The following ASXL1 variants were observed in gnomAD, a reference collection of about 807,000 sequenced individuals.
ASXL1 encodes the protein polycomb group protein ASXL1.
In ASXL1, 65 loss-of-function variants were observed where a neutral mutation model predicts 89.1. The ratio of observed to expected loss-of-function variants is 0.73; its 90% CI spans 0.60 to 0.90. The LOEUF (loss-of-function observed/expected upper bound fraction) is 0.90, where lower values mean the gene tolerates loss of function less well. Among genes scored for constraint, ASXL1 ranks in the 40% least tolerant of loss-of-function variants. The pLI, the probability that ASXL1 is intolerant of heterozygous loss-of-function variation, is 0.00. For missense variants in ASXL1, 1,786 were observed against 1,942.9 expected, an observed-to-expected ratio of 0.92 and a Z score of 1.52; for synonymous variants, 739 against 746.9, an observed-to-expected ratio of 0.99 and a Z score of 0.17.
chr20:32,426,957 T>C (rs1192641518), intron 4 of ASXL1: 1 of 152,178 alleles, frequency 6.6e-6, no homozygotes, highest in Non-Finnish European at 1.5e-5. Flanking sequence ...CTCATGAAAT[T>C]GATGAGTTAG....
At chr20:32,425,549 G>T (rs1217625202) in intron 4 of ASXL1, among the ~76,000 whole-genome samples, 1 of 152,172 alleles carries the variant, frequency 6.6e-6, no homozygotes, top group African/African-American at 2.4e-5. Context: ...TCTCATTGCG[G>T]TTTTAATTTG....
At chr20:32,385,482 G>A (rs548959470) in intron 4 of ASXL1, among the ~76,000 whole-genome samples, 3 of 152,038 alleles carry the variant, frequency 2.0e-5, no homozygotes, top group African/African-American at 7.3e-5. Flanking sequence ...GTGCTAAATG[G>A]GCTTTGCTTG....
chr20:32,399,517 A>AT (rs1489319732), intron 4 of ASXL1, among the ~76,000 whole-genome samples: 24 of 109,042 alleles, frequency 2.2e-4, no homozygotes, highest in Non-Finnish European at 4.0e-4. Flanking sequence ...TTTTTTGGCC[A>AT]TTTTTTTCAA....
At position 32,429,309 on chromosome 20, in the gene ASXL1, G is replaced by A. The variant is rs775057414; in HGVS notation, c.472-29G>A. On this transcript the variant is annotated intron_variant, in intron 6 of 12. Transcript: ENST00000375687. This position sits in a 1 kb window ranked among gnomAD's most constrained non-coding sequence, Gnocchi z 4.9. Reference sequence around the variant, plus strand: ...TTTTGTGGCTCTGCAGTTGACTTGGGCTCTCTTTTGTTCTCTCTTGGAACG... The same window carrying A: ...TTTTGTGGCTCTGCAGTTGACTTGGACTCTCTTTTGTTCTCTCTTGGAACG... 4.4e-6 allele frequency: 7 copies of A among 1,608,304 alleles called. No individual in the cohort carries two copies. The Admixed American group carries it at 1.2e-4, about 27-fold the overall frequency.
intron 4 of ASXL1, among the ~76,000 whole-genome samples, chr20:32,416,932 A>G (rs1224785258): frequency 2.0e-5 from 3 of 152,210 alleles, no homozygotes; most frequent in Non-Finnish European, 4.4e-5. Flanking sequence ...GTGTTTAATG[A>G]TGAACTCTTC....
intron 4 of ASXL1, among the ~76,000 whole-genome samples, chr20:32,378,627 G>A (rs1242221490): frequency 1.3e-5 from 2 of 152,090 alleles, no homozygotes; most frequent in Non-Finnish European, 1.5e-5. Context: ...GGTAGGATTT[G>A]TATTGTTTTT....
intron 4 of ASXL1, among the ~76,000 whole-genome samples, chr20:32,413,163 G>T (rs2049079252): frequency 6.6e-6 from 1 of 152,112 alleles, no homozygotes; most frequent in South Asian, 2.1e-4. Context: ...ACTCTCTGAG[G>T]CACGCAGATT....
chr20:32,432,336 A>G (rs183093599), intron 10 of ASXL1: 13 of 178,242 alleles, frequency 7.3e-5, no homozygotes, highest in Admixed American at 3.8e-4. Context: ...TGAAATGTCT[A>G]CTAGGGAAAC....
chr20:32,419,053 GA>G (rs1403240734), intron 4 of ASXL1, among the ~76,000 whole-genome samples: 1 of 151,768 alleles, frequency 6.6e-6, no homozygotes, highest in Non-Finnish European at 1.5e-5. Flanking sequence ...GGCTGGTCTT[GA>G]ACTCCTGACG....
chr20:32,358,928 C>A, intron 1 of ASXL1, 96 bp downstream of exon 1: 1 of 1,273,272 alleles, frequency 7.9e-7, no homozygotes, highest in Non-Finnish European at 1.0e-6. Flanking sequence ...AGGCCCTGCC[C>A]ACCGCGGGAG....
At chr20:32,378,280 A>G (rs2048423639) in intron 4 of ASXL1, among the ~76,000 whole-genome samples, 1 of 151,528 alleles carries the variant, frequency 6.6e-6, no homozygotes, top group African/African-American at 2.4e-5. Context: ...TTGACCTCCC[A>G]AAGTGCTAGG....
Position 32,436,766 on chromosome 20 carries a change from C to T in ASXL1, c.4054C>T (p.Pro1352Ser). 1 of 1,614,174 alleles carries T rather than the reference C, an allele frequency of 6.2e-7. No individual in the cohort carries two copies. The highest frequency in any genetic ancestry group is 8.5e-7 in the Non-Finnish European group (1 of 1,180,036). ...CTCCATGTCTGGTGGGGTACAGACT[C>T]CAAGGGAAGACTGGGCTCCAAAGCC... ...TNSMSGGVQTPREDWAPKPHA... is the reference protein window; with the variant it reads ...TNSMSGGVQTSREDWAPKPHA... Residue 1352 changes from proline to serine, a missense_variant, in exon 13 of 13, where the codon CCA (proline) becomes TCA (serine). By Grantham distance (74) the Pro-to-Ser change is moderately conservative. Coordinates refer to ENST00000375687, the MANE Select transcript of ASXL1 (RefSeq NM_015338.6).
chr20:32,436,266 G>A lies in ASXL1; in HGVS notation c.3554G>A (p.Gly1185Asp), dbSNP rs2011863083. The A allele has an allele frequency of 5.0e-6, 8 of 1,614,090 alleles. No homozygotes were observed. Among genetic ancestry groups the A allele is most frequent in the African/African-American group, 1.3e-5 (1 of 74,938 alleles). ...EPLLPDSCET[G>D]TGLARIEATQ... ...CTTCTGCCAGATAGCTGTGAAACAG[G>A]CACTGGTCTTGCCAGGATTGAGGCC... Residue 1185 changes from glycine to aspartate, a missense_variant, in exon 13 of 13, where the codon GGC becomes GAC. By Grantham distance (94) the Gly-to-Asp change is moderately conservative. Around this residue, in one of 3 missense-constraint regions of ASXL1, gnomAD observed 1,418 missense variants for 1,427.8 expected, o/e 0.99. Coordinates refer to ENST00000375687, the MANE Select transcript of ASXL1 (RefSeq NM_015338.6).
Position 32,382,721 on chromosome 20 carries a change from G to A in ASXL1, c.252+13598G>A, listed in dbSNP as rs769732877. On this transcript the variant is annotated intron_variant, in intron 4 of 12. Coordinates refer to ENST00000375687, the MANE Select transcript of ASXL1 (RefSeq NM_015338.6). ...GGATTGCTTGAGCCTGGGAAGTTGC[G>A]ACTGCAGTGAGCTGTGATTGTGCCA... Among the ~76,000 whole-genome samples, 9 of 151,982 alleles carry A rather than the reference G, an allele frequency of 5.9e-5. No homozygotes were observed. The South Asian group carries it at 6.2e-4, about 10-fold the overall frequency.
At chr20:32,370,454 AC>A in intron 4 of ASXL1, among the ~76,000 whole-genome samples, 1 of 152,252 alleles carries the variant, frequency 6.6e-6, no homozygotes, top group East Asian at 1.9e-4. Context: ...TGTTTTACTT[AC>A]GAAAACAGGC....
intron 4 of ASXL1, among the ~76,000 whole-genome samples, chr20:32,423,632 C>T (rs2011197959): frequency 1.3e-5 from 2 of 152,168 alleles, no homozygotes; most frequent in African/African-American, 2.4e-5. Flanking sequence ...CTCACTGCAG[C>T]CTGCATGTCC....
chr20:32,359,055 CCG>C (rs2048064145), intron 1 of ASXL1: 1 of 610,146 alleles, frequency 1.6e-6, no homozygotes, highest in Non-Finnish European at 2.9e-6. Flanking sequence ...CCCCCCCGCC[CCG>C]CGCAGCTAAA....
rs1192388812 is a variant in ASXL1, at chr20:32,434,785, A to G, written c.2073A>G (p.Leu691=). The G allele has an allele frequency of 1.9e-6, 3 of 1,613,836 alleles. No individual in the cohort carries two copies. The African/African-American group carries it at 4.0e-5, about 22-fold the overall frequency. ...CCCCTGGAAAGTGTACGTCAGATCT[A>G]CAGCGAACACAACTACTGCCGCCTT... ...PSTPGKCTSD[L]QRTQLLPPYP... Residue 691 remains leucine (L), a synonymous_variant, in exon 13 of 13, where the codon CTA becomes CTG. Coordinates refer to ENST00000375687, the MANE Select transcript of ASXL1 (RefSeq NM_015338.6).
chr20:32,358,873 TG>T (rs781330454), intron 1 of ASXL1, 41 bp downstream of exon 1: 90 of 614,496 alleles, frequency 1.5e-4, no homozygotes, highest in Non-Finnish European at 2.0e-4. Flanking sequence ...GGGCCCGGGG[TG>T]GGGGGGGCTC....
Sources: allele counts gnomAD v4.1 joint callset (sites outside exome capture counted in the v4.1 genomes callset), GRCh38; gene constraint gnomAD v4.1.1; regional missense constraint gnomAD v4.1.1; non-coding constraint Gnocchi (gnomAD v3.1); transcripts MANE v1.5; gene names NCBI Gene and HGNC (gene_info 2026-07-23, HGNC 2026-07-21).